Variants in MSH3 observed in about 807,000 individuals in gnomAD.
MSH3 encodes mutS homolog 3.
A neutral mutation model predicts 123.3 loss-of-function variants in MSH3; 106 were observed. That is an observed-to-expected ratio of 0.86 (90% CI 0.73 to 1.01). The LOEUF (loss-of-function observed/expected upper bound fraction) is 1.01. Ranked by LOEUF, MSH3 falls within the 50% of genes least tolerant of loss-of-function variation. MSH3 has a pLI of 0.00. For synonymous variants in MSH3, 515 were observed against 481.4 expected (o/e 1.07, Z -0.91); for missense variants, 1,459 against 1,347.6 (o/e 1.08, Z -1.29).
Position 80,864,848 on chromosome 5 carries a change from G to T in MSH3, c.3036G>T (p.Pro1012=), listed in dbSNP as rs190963296. The T allele has an allele frequency of 1.2e-6, 2 of 1,612,794 alleles. No homozygotes were observed. Among genetic ancestry groups the T allele is most frequent in the East Asian group, 2.2e-5 (1 of 44,830 alleles). The stretch of plus-strand genomic sequence containing the variant: ...TAACCCTGTTTGTCACCCATTATCC[G>T]CCAGTTTGTGAACTAGAAAAAAATT... ...KSLTLFVTHY[P]PVCELEKNYS... Residue 1012 remains proline, a synonymous_variant, in exon 22 of 24, where the codon CCG becomes CCT. Coordinates refer to ENST00000265081, the MANE Select transcript of MSH3 (RefSeq NM_002439.5).
At chr5:80,787,808 A>G (rs1744536339) in intron 18 of MSH3, 136 bp downstream of exon 18, 3 of 670,546 alleles carry the variant, frequency 4.5e-6, no homozygotes, top group Middle Eastern at 3.9e-4. Context: ...AATGTCATAC[A>G]TATGTAGCTT....
At chr5:80,833,175 C>G (rs1202283791) in intron 20 of MSH3, among the ~76,000 whole-genome samples, 2 of 152,008 alleles carry the variant, frequency 1.3e-5, no homozygotes, top group African/African-American at 4.8e-5. Flanking sequence ...AGTCAGCTGC[C>G]ACTCCTAAAA....
intron 21 of MSH3, among the ~76,000 whole-genome samples, chr5:80,859,836 C>A (rs1745986192): frequency 6.6e-6 from 1 of 151,768 alleles, no homozygotes; most frequent in Non-Finnish European, 1.5e-5. Context: ...CCTCAGCCTC[C>A]CAGGTAGCTG....
chr5:80,820,952 G>A (rs919825149), intron 20 of MSH3, among the ~76,000 whole-genome samples: 6 of 152,154 alleles, frequency 3.9e-5, no homozygotes, highest in African/African-American at 1.2e-4. Context: ...TCCCTAAAGT[G>A]GGAAGTCTCA....
intron 12 of MSH3, chr5:80,746,343 C>T (rs751286929): frequency 2.7e-5 from 10 of 372,540 alleles, no homozygotes; most frequent in Admixed American, 1.0e-4. Context: ...CGTTTCACTT[C>T]TGTTCACACC....
chr5:80,822,160 G>A (rs938670013), intron 20 of MSH3, among the ~76,000 whole-genome samples: 5 of 152,162 alleles, frequency 3.3e-5, no homozygotes, highest in African/African-American at 1.2e-4. Flanking sequence ...AAGTTCTCCA[G>A]CATCCTGGCC....
chr5:80,784,997 A>G (rs892356815), intron 17 of MSH3, among the ~76,000 whole-genome samples: 1 of 152,218 alleles, frequency 6.6e-6, no homozygotes, highest in African/African-American at 2.4e-5. Flanking sequence ...CCTTATTCTA[A>G]TAATACTAGA....
In MSH3 at chr5:80,656,462, G is replaced by C. The variant is rs1749288061; in HGVS notation, c.289G>C (p.Val97Leu). ...GAGACCATTGGAAAATGATGGGCCT[G>C]TTAAAAAGAAAGTAAAGAAAGTCCA... is the stretch of plus-strand genomic sequence containing the variant. Reference protein sequence around the residue: ...KKRPLENDGPVKKKVKKVQQK... With the variant: ...KKRPLENDGPLKKKVKKVQQK... Residue 97 changes from valine (V) to leucine (L), a missense_variant, in exon 2 of 24, where the codon GTT becomes CTT. Transcript: ENST00000265081. 1 of 1,614,070 alleles carries C rather than the reference G, an allele frequency of 6.2e-7. No homozygotes were observed. Among genetic ancestry groups the C allele is most frequent in the African/African-American group, 1.3e-5 (1 of 74,926 alleles).
chr5:80,796,260 C>G (rs771676530), intron 19 of MSH3, among the ~76,000 whole-genome samples: 34 of 151,864 alleles, frequency 2.2e-4, no homozygotes, highest in South Asian at 6.2e-4. Context: ...TTTAATAAAG[C>G]AAGATTTGAA....
intron 9 of MSH3, 109 bp from the exon 10 acceptor site, chr5:80,728,742 A>C: frequency 1.5e-6 from 1 of 648,106 alleles, no homozygotes; most frequent in South Asian, 1.9e-5. Context: ...GTTTTACTTA[A>C]AATTTGTGTT....
chr5:80,732,299 C>T (rs902522133), intron 10 of MSH3, among the ~76,000 whole-genome samples: 1 of 152,012 alleles, frequency 6.6e-6, no homozygotes, highest in African/African-American at 2.4e-5. Context: ...GGAGTGGTCA[C>T]AACTTCAAAA....
At chr5:80,668,235 T>C (rs1749614660) in intron 3 of MSH3, among the ~76,000 whole-genome samples, 1 of 152,162 alleles carries the variant, frequency 6.6e-6, no homozygotes, top group Non-Finnish European at 1.5e-5. Context: ...AAGTGTGTGC[T>C]GATTGGTTCA....
At chr5:80,850,808 C>T (rs1005819723) in intron 20 of MSH3, among the ~76,000 whole-genome samples, 6 of 152,202 alleles carry the variant, frequency 3.9e-5, no homozygotes, top group Non-Finnish European at 8.8e-5. Flanking sequence ...TTGGTTTTCT[C>T]AGTCTTCTCT....
chr5:80,663,036 A>C (rs894949633), intron 2 of MSH3, among the ~76,000 whole-genome samples: 74 of 152,204 alleles, frequency 4.9e-4, no homozygotes, highest in Middle Eastern at 3.4e-3. Context: ...GGAGTCAGAG[A>C]CCAGCCTAGG....
chr5:80,874,757 A>G (rs1027924346), intron 23 of MSH3, among the ~76,000 whole-genome samples: 1 of 152,194 alleles, frequency 6.6e-6, no homozygotes, highest in Non-Finnish European at 1.5e-5. Context: ...TGTTTCTGCT[A>G]TATAGCCTAT....
intron 7 of MSH3, among the ~76,000 whole-genome samples, chr5:80,677,890 G>A (rs1428823726): frequency 6.6e-6 from 1 of 152,132 alleles, no homozygotes; most frequent in African/African-American, 2.4e-5. Context: ...TCCTGTTGAT[G>A]GACATGTGCA....
At chr5:80,861,497 A>G (rs1238329361) in intron 21 of MSH3, among the ~76,000 whole-genome samples, 2 of 152,162 alleles carry the variant, frequency 1.3e-5, no homozygotes, top group Non-Finnish European at 2.9e-5. Flanking sequence ...GTTAGGCTCC[A>G]CTTAAGTAGT....
At chr5:80,750,483 TG>T (rs1344510960) in intron 12 of MSH3, among the ~76,000 whole-genome samples, 1 of 152,166 alleles carries the variant, frequency 6.6e-6, no homozygotes. Flanking sequence ...TGATTAGAGA[TG>T]TTGAGCATTG....
At chr5:80,872,447 T>C (rs1423458271) in intron 22 of MSH3, among the ~76,000 whole-genome samples, 1 of 152,116 alleles carries the variant, frequency 6.6e-6, no homozygotes, top group Non-Finnish European at 1.5e-5. Context: ...CCAGCATGGA[T>C]GACAGAGTCA....
Sources: allele counts gnomAD v4.1 joint callset (sites outside exome capture counted in the v4.1 genomes callset), GRCh38; gene constraint gnomAD v4.1.1; transcripts MANE v1.5; gene names NCBI Gene and HGNC (gene_info 2026-07-23, HGNC 2026-07-21).